Variants in C13orf46 observed in about 807,000 individuals in gnomAD.
C13orf46 encodes the protein chromosome 13 open reading frame 46.
intron 6 of C13orf46, among the ~76,000 whole-genome samples, chr13:113,957,555 C>T (rs2052548453): frequency 1.4e-5 from 2 of 144,750 alleles, no homozygotes; most frequent in Non-Finnish European, 3.0e-5. Flanking sequence ...TGCCTGCACC[C>T]CCTTTCATCA....
chr13:113,966,640 A>C (rs925493912), intron 5 of C13orf46, among the ~76,000 whole-genome samples: 20,562 of 151,212 alleles, frequency 0.14, 1,702 homozygotes, highest in Middle Eastern at 0.2. Context: ...GATGATGATG[A>C]TGCTGCTGAT....
At chr13:113,972,543 C>T (rs1405710460) in intron 1 of C13orf46, among the ~76,000 whole-genome samples, 1 of 152,190 alleles carries the variant, frequency 6.6e-6, no homozygotes. Context: ...AGCCCCTCAG[C>T]CCTGTGCTCT....
In C13orf46 at chr13:113,955,495, C is replaced by T. The variant is rs1358812908; in HGVS notation, c.*1278G>A. On this transcript the variant is annotated 3_prime_UTR_variant, in exon 7 of 7. Transcript: ENST00000636427. ...GGAGCGGAGGAGCATCTGGCGGAGACGAGGAGCATCTCGTGGAGCGGAGGA... is the reference window on the plus strand; with the variant it reads ...GGAGCGGAGGAGCATCTGGCGGAGATGAGGAGCATCTCGTGGAGCGGAGGA... 1.5e-3 allele frequency: 180 copies of T among 118,838 alleles called. 3 individuals are homozygous for T. The highest frequency in any genetic ancestry group is 6.0e-3 in the African/African-American group (168 of 27,956). 7.4% of individuals were successfully genotyped at this position (118,838 alleles called of 1,614,324 possible).
At chr13:113,928,867 G>C in the C13orf46 span, 1 of 152,440 alleles carries the variant, frequency 6.6e-6, no homozygotes, top group African/African-American at 2.4e-5. Flanking sequence ...TCCTTGGTTT[G>C]GTCCAGCAGG....
intron 6 of C13orf46, among the ~76,000 whole-genome samples, chr13:113,957,587 T>C (rs1165122890): frequency 8.2e-6 from 1 of 121,702 alleles, no homozygotes. Context: ...GGGTCTCCCC[T>C]GCACTCTGCC....
the C13orf46 span, among the ~76,000 whole-genome samples, chr13:113,932,109 TG>T: frequency 6.6e-6 from 1 of 152,232 alleles, no homozygotes; most frequent in Non-Finnish European, 1.5e-5. Context: ...CTTTCAATGC[TG>T]GGGAGCACTA....
the C13orf46 span, among the ~76,000 whole-genome samples, chr13:113,945,567 A>AGAG: frequency 1.0e-4 from 10 of 95,910 alleles, no homozygotes; most frequent in African/African-American, 3.6e-4. Context: ...GAAAGAAAGA[A>AGAG]AGAAAGAAAG....
intron 1 of C13orf46, among the ~76,000 whole-genome samples, chr13:113,972,733 C>T (rs1245023007): frequency 6.6e-6 from 1 of 152,238 alleles, no homozygotes; most frequent in East Asian, 1.9e-4. Flanking sequence ...AGGTTCCTTG[C>T]TGGTGGGTGA....
At chr13:113,933,104 ATCCACC>A in the C13orf46 span, among the ~76,000 whole-genome samples, 2 of 152,176 alleles carry the variant, frequency 1.3e-5, no homozygotes, top group African/African-American at 4.8e-5. Context: ...ACCTCAAATG[ATCCACC>A]TGCCTCAGCT....
In C13orf46 at chr13:113,953,823, G is replaced by A. The variant is rs2052499744; in HGVS notation, c.*2950C>T. 6.6e-6 allele frequency: 1 copy of A among 152,252 alleles called. No individual in the cohort carries two copies. Among genetic ancestry groups the A allele is most frequent in the Non-Finnish European group, 1.5e-5 (1 of 68,076 alleles). 9.4% of individuals were successfully genotyped at this position (152,252 alleles called of 1,614,324 possible). On this transcript the variant is annotated 3_prime_UTR_variant, in exon 7 of 7. Coordinates refer to ENST00000636427, the MANE Select transcript of C13orf46 (RefSeq NM_001365455.2). ...ACCGTATTTCCGGAAGCTTCTCTGG[G>A]TGCCTTTCTGGTTGGCACAGTTGGA...
chr13:113,954,109 C>T lies in C13orf46; in HGVS notation c.*2664G>A, dbSNP rs1172664922. ...ATGCGGCTCCCTGAAAAGGGCCCCT[C>T]CCTCCCTGGCTGAGTGATGGGCAGA... On this transcript the variant is annotated 3_prime_UTR_variant, in exon 7 of 7. Transcript: ENST00000636427. The T allele has an allele frequency of 2.0e-5, 3 of 152,282 alleles. No homozygotes were observed. The highest frequency in any genetic ancestry group is 1.9e-4 in the East Asian group (1 of 5,190). 9.4% of individuals were successfully genotyped at this position (152,282 alleles called of 1,614,324 possible).
the C13orf46 span, among the ~76,000 whole-genome samples, chr13:113,939,045 C>T: frequency 7.9e-5 from 12 of 152,168 alleles, no homozygotes; most frequent in Admixed American, 1.3e-4. Flanking sequence ...ATTCCAGACC[C>T]GCCAGGTGCC....
chr13:113,928,121 A>G, the C13orf46 span: 1 of 152,434 alleles, frequency 6.6e-6, no homozygotes, highest in African/African-American at 2.4e-5. Flanking sequence ...ACAATTATTC[A>G]TTGCGTCTTC....
At chr13:113,951,490 G>A (rs1278777162), downstream of C13orf46, among the ~76,000 whole-genome samples, 8 of 152,278 alleles carry the variant, frequency 5.3e-5, no homozygotes, top group African/African-American at 1.9e-4. Context: ...GCCACCAACA[G>A]CACTGCCCAC....
At chr13:113,952,628 G>T (rs1037240568), downstream of C13orf46, among the ~76,000 whole-genome samples, 1 of 152,220 alleles carries the variant, frequency 6.6e-6, no homozygotes, top group Non-Finnish European at 1.5e-5. Context: ...ACCACTGGCC[G>T]GCCCTAGAAA....
the C13orf46 span, among the ~76,000 whole-genome samples, chr13:113,931,138 C>T: frequency 9.2e-5 from 14 of 152,220 alleles, no homozygotes; most frequent in African/African-American, 2.7e-4. Context: ...CAGGCCGAGA[C>T]GCCAGACGTG....
At chr13:113,972,496 G>T (rs1011864031) in intron 1 of C13orf46, among the ~76,000 whole-genome samples, 1 of 152,252 alleles carries the variant, frequency 6.6e-6, no homozygotes, top group South Asian at 2.1e-4. Flanking sequence ...CCGAGGCCGC[G>T]GGAGGGGAGG....
intron 6 of C13orf46, among the ~76,000 whole-genome samples, chr13:113,964,442 T>C (rs930202760): frequency 1.3e-5 from 2 of 152,170 alleles, no homozygotes; most frequent in African/African-American, 4.8e-5. Context: ...GGAGGCTGCC[T>C]AGCCCCGGCC....
chr13:113,936,609 G>T, the C13orf46 span, among the ~76,000 whole-genome samples: 1 of 152,170 alleles, frequency 6.6e-6, no homozygotes, highest in South Asian at 2.1e-4. Context: ...GGACACTAGA[G>T]TTTTATTGTT....
Sources: gnomAD v4.1 joint callset for allele counts (sites outside exome capture counted in the v4.1 genomes callset) on GRCh38, gnomAD v4.1.1 for gene constraint, MANE v1.5 for transcripts, NCBI Gene and HGNC (gene_info 2026-07-23, HGNC 2026-07-21) for gene names.